SYNE2: variants seen among roughly 807,000 people sequenced by gnomAD.
The protein encoded by SYNE2 is spectrin repeat containing nuclear envelope protein 2.
Under a neutral mutation model 856.3 loss-of-function variants are expected in SYNE2, and 431 were observed. That is an observed-to-expected ratio of 0.50 (90% CI 0.47 to 0.55). The LOEUF is 0.55. Ranked by LOEUF, SYNE2 falls within the 20% of genes least tolerant of loss-of-function variation. The pLI, the probability that SYNE2 is intolerant of heterozygous loss-of-function variation, is 0.00. For missense variants in SYNE2, 8,129 were observed against 8,023.2 expected (o/e 1.01, Z -0.50); for synonymous variants, 2,923 against 2,872.3 (o/e 1.02, Z -0.56).
At chr14:64,208,661 A>G (rs918895603) in intron 100 of SYNE2, 97 bp from the exon 101 acceptor site, 7 of 1,286,596 alleles carry the variant, frequency 5.4e-6, no homozygotes, top group African/African-American at 1.5e-5. Context: ...GTATCCCCTG[A>G]GCTGGGAGAA....
At chr14:63,942,311 G>A (rs1284007134) in intron 6 of SYNE2, among the ~76,000 whole-genome samples, 168 bp downstream of exon 6, 1 of 152,034 alleles carries the variant, frequency 6.6e-6, no homozygotes, top group African/African-American at 2.4e-5. Flanking sequence ...TGCCATTTCT[G>A]TTATTGGTTT....
At chr14:63,960,710 A>T in intron 8 of SYNE2, 1 of 758,182 alleles carries the variant, frequency 1.3e-6, no homozygotes. Context: ...CCCTTTTGTG[A>T]TTTTATGATC....
Position 64,017,674 on chromosome 14 carries a change from A to C in SYNE2, c.4967A>C (p.Asn1656Thr). ...TGGGACAAACTTTTTAACTTAAAAA[A>C]TGTCATTGATGAGTGGACAGAAAAG... is the stretch of plus-strand genomic sequence containing the variant. ...ALWDKLFNLKNVIDEWTEKAL... is the reference protein window; with the variant it reads ...ALWDKLFNLKTVIDEWTEKAL... Residue 1656 changes from asparagine (N) to threonine (T), a missense_variant, in exon 34 of 116, where the codon AAT becomes ACT. By Grantham distance (65) the Asn-to-Thr change is moderately conservative. Transcript: ENST00000555002. 1 of 1,613,720 alleles carries C rather than the reference A, an allele frequency of 6.2e-7. No individual in the cohort carries two copies. Among genetic ancestry groups the C allele is most frequent in the Non-Finnish European group, 8.5e-7 (1 of 1,179,744 alleles).
At position 64,204,014 on chromosome 14, in the gene SYNE2, G is replaced by T. The variant is rs1018059684; in HGVS notation, c.18201+1051G>T. ...CTGCAGGCAGGCGCCACCATGCCTG[G>T]CCCTCCCTGCTCTTGACTTTTCTAA... On this transcript the variant is annotated intron_variant, in intron 100 of 115. Coordinates refer to ENST00000555002, the MANE Select transcript of SYNE2 (RefSeq NM_182914.3). Among the ~76,000 whole-genome samples the T allele has an allele frequency of 2.0e-5, 3 of 152,098 alleles. No homozygotes were observed. In the East Asian group the frequency reaches 5.8e-4, roughly 29 times the overall value.
intron 1 of SYNE2, among the ~76,000 whole-genome samples, chr14:63,893,940 T>G (rs1448756904): frequency 6.6e-6 from 1 of 152,190 alleles, no homozygotes; most frequent in Non-Finnish European, 1.5e-5. Context: ...CCAGCTTGGC[T>G]GGGATGCAGG....
chr14:64,186,336 A>C, intron 96 of SYNE2, 88 bp from the exon 97 acceptor site: 1 of 1,554,370 alleles, frequency 6.4e-7, no homozygotes, highest in East Asian at 2.2e-5. Context: ...CCTCCCCCAG[A>C]GTCTAATCAA....
Position 63,802,955 on chromosome 14 carries a change from T to G in SYNE2, c.-305+40969T>G, listed in dbSNP as rs142968318. ...CAGCGTGAACCCAAAGAGTGAGCAG[T>G]AGGAAGATTTATTGCAAAGAGCGAA... On this transcript the variant is annotated intron_variant, in intron 1 of 23. Coordinates refer to the SYNE2 transcript ENST00000674003. Among the ~76,000 whole-genome samples the G allele has an allele frequency of 4.8e-3, 728 of 152,098 alleles. 7 individuals carry two copies. Among genetic ancestry groups the G allele is most frequent in the Non-Finnish European group, 6.0e-3 (408 of 67,978 alleles).
At chr14:63,783,516 T>C (rs1335060799) in intron 1 of SYNE2, among the ~76,000 whole-genome samples, 1 of 152,144 alleles carries the variant, frequency 6.6e-6, no homozygotes, top group African/African-American at 2.4e-5. Context: ...TAGCTGGGAC[T>C]ACAGGCGCAC....
chr14:64,053,023 A>G lies in SYNE2; in HGVS notation c.9110A>G (p.Gln3037Arg), dbSNP rs1595160262. 3.1e-6 allele frequency: 5 copies of G among 1,613,306 alleles called. No homozygotes were observed. Among genetic ancestry groups the G allele is most frequent in the Non-Finnish European group, 4.2e-6 (5 of 1,179,880 alleles). The change falls in exon 48 of 116, where the codon CAG becomes CGG. Residue 3037 changes from glutamine (Q) to arginine (R), a missense_variant. Coordinates refer to ENST00000555002, the MANE Select transcript of SYNE2 (RefSeq NM_182914.3). ...KEKELEEKIK[Q>R]LDTFEEEHGK... ...AAGGAACTTGAAGAAAAAATTAAGCAGTTGGACACATTTGAGGAAGAACAT... is the reference window on the plus strand; with the variant it reads ...AAGGAACTTGAAGAAAAAATTAAGCGGTTGGACACATTTGAGGAAGAACAT...
chr14:63,780,393 G>A lies in SYNE2; in HGVS notation c.-305+18407G>A, dbSNP rs546520934. 4.6e-5 allele frequency among the ~76,000 whole-genome samples: 7 copies of A among 152,234 alleles called. No homozygotes were observed. In the South Asian group the frequency reaches 8.3e-4, roughly 18 times the overall value. On this transcript the variant is annotated intron_variant, in intron 1 of 23. Transcript: ENST00000674003. ...TACTAAAAATACAAAACTTAGCTGG[G>A]CATGGTGGCAGGTGCCTGTAATCCC...
intron 2 of SYNE2, among the ~76,000 whole-genome samples, chr14:63,923,494 G>C (rs1432246962): frequency 6.6e-6 from 1 of 152,192 alleles, no homozygotes; most frequent in Admixed American, 6.5e-5. Flanking sequence ...TCCTTCCCTA[G>C]CCATTTAATC....
chr14:64,094,867 AGG>A (rs2097663538), intron 61 of SYNE2, among the ~76,000 whole-genome samples: 4 of 152,208 alleles, frequency 2.6e-5, no homozygotes, highest in Admixed American at 1.3e-4. Flanking sequence ...ACATATTAAT[AGG>A]AATAACTATT....
At chr14:64,202,160 A>G (rs2098573603) in intron 99 of SYNE2, 1 of 701,928 alleles carries the variant, frequency 1.4e-6, no homozygotes, top group African/African-American at 1.7e-5. Context: ...GCTTGCGTGC[A>G]GATTTCCTTT....
At chr14:64,100,720 C>A (rs540905451) in intron 63 of SYNE2, among the ~76,000 whole-genome samples, 1 of 150,676 alleles carries the variant, frequency 6.6e-6, no homozygotes, top group South Asian at 2.1e-4. Context: ...GATTTTCAAA[C>A]ATATATTAAC....
chr14:64,148,396 G>A (rs2098207034), intron 84 of SYNE2, among the ~76,000 whole-genome samples: 1 of 152,302 alleles, frequency 6.6e-6, no homozygotes, highest in Non-Finnish European at 1.5e-5. Flanking sequence ...AATGACTAGT[G>A]TTGACTGAGA....
At chr14:63,932,386 GA>G (rs1238626771) in intron 2 of SYNE2, among the ~76,000 whole-genome samples, 1 of 151,640 alleles carries the variant, frequency 6.6e-6, no homozygotes, top group Non-Finnish European at 1.5e-5. Flanking sequence ...CCATCTCAAA[GA>G]AAAAAACAAA....
rs746055794 is a variant in SYNE2, at chr14:63,977,886, A to G, written c.1294-19A>G. 8 of 1,524,796 alleles carry G rather than the reference A, an allele frequency of 5.2e-6. No individual in the cohort carries two copies. Among genetic ancestry groups the G allele is most frequent in the Non-Finnish European group, 6.4e-6 (7 of 1,098,790 alleles). The allele number at this position is 1,524,796 out of a possible 1,614,324, so 94.5% of individuals were successfully genotyped here. A position where few individuals can be genotyped will look rare whatever the true frequency, so the allele number is the denominator to read the frequency against. On this transcript the variant is annotated intron_variant, in intron 12 of 115. Coordinates refer to ENST00000555002, the MANE Select transcript of SYNE2 (RefSeq NM_182914.3). The stretch of plus-strand genomic sequence containing the variant: ...TTTGGCAATAAGTATCGTTTATGTC[A>G]TGCTGAATTTCTTTTCAGAGCCTGA...
Position 63,993,206 on chromosome 14 carries a change from C to T in SYNE2, c.2647-629C>T, listed in dbSNP as rs148944890. Among the ~76,000 whole-genome samples, 260 of 152,286 alleles carry T rather than the reference C, an allele frequency of 1.7e-3. 1 individual carries two copies. The highest frequency in any genetic ancestry group is 5.8e-3 in the African/African-American group (239 of 41,562). On this transcript the variant is annotated intron_variant, in intron 21 of 115. Transcript: ENST00000555002. ...CCTCCTTTCAGCATAACTGCTTATGCACGATAGTTAACCTTTCTATAAATT... is the reference window on the plus strand; with the variant it reads ...CCTCCTTTCAGCATAACTGCTTATGTACGATAGTTAACCTTTCTATAAATT...
chr14:63,872,356 G>A (rs1298340315), intron 1 of SYNE2, among the ~76,000 whole-genome samples: 2 of 152,100 alleles, frequency 1.3e-5, no homozygotes, highest in East Asian at 3.9e-4. Context: ...CTTGAACCTG[G>A]GAGGTGGAGG....
Sources: gnomAD v4.1 joint callset for allele counts (sites outside exome capture counted in the v4.1 genomes callset) on GRCh38, gnomAD v4.1.1 for gene constraint, MANE v1.5 for transcripts, NCBI Gene and HGNC (gene_info 2026-07-23, HGNC 2026-07-21) for gene names.